Variants in COL5A3 observed in about 807,000 individuals in gnomAD.
The protein encoded by COL5A3 is collagen alpha-3(V) chain.
COL5A3 carries 172 observed loss-of-function variants against 250.0 expected under a neutral mutation model. That is an observed-to-expected ratio of 0.69 (90% CI 0.61 to 0.78). The LOEUF (loss-of-function observed/expected upper bound fraction) is 0.78, where lower values mean the gene tolerates loss of function less well. Ranked by LOEUF, COL5A3 falls within the 30% of genes least tolerant of loss-of-function variation. COL5A3 has a pLI of 0.00. For missense variants in COL5A3, 2,340 were observed against 2,334.4 expected (o/e 1.00, Z -0.05); for synonymous variants, 937 against 900.4 (o/e 1.04, Z -0.73).
chr19:9,977,039 T>C (rs2086931736), intron 44 of COL5A3, among the ~76,000 whole-genome samples, 190 bp downstream of exon 44: 1 of 152,112 alleles, frequency 6.6e-6, no homozygotes, highest in African/African-American at 2.4e-5. Flanking sequence ...CTGTCTGCAG[T>C]TGGGTTCTGT....
Position 9,968,365 on chromosome 19 carries a change from G to A in COL5A3, c.4314+20C>T, listed in dbSNP as rs181471625. On this transcript the variant is annotated intron_variant, in intron 59 of 66. Coordinates refer to ENST00000264828, the MANE Select transcript of COL5A3 (RefSeq NM_015719.4). This position sits in a 1 kb window ranked among gnomAD's most constrained non-coding sequence, Gnocchi z 4.1. ...CCCCTCCTTCAAATGCATTCTTCCCGCTCAGGTCAGGACACTCACAGGGTC... is the reference window on the plus strand; with the variant it reads ...CCCCTCCTTCAAATGCATTCTTCCCACTCAGGTCAGGACACTCACAGGGTC... The A allele has an allele frequency of 1.6e-5, 24 of 1,501,470 alleles. No homozygotes were observed. Among genetic ancestry groups the A allele is most frequent in the East Asian group, 1.4e-4 (6 of 43,872 alleles). The allele number at this position is 1,501,470 out of a possible 1,614,324, so 93.0% of individuals were successfully genotyped here.
At chr19:9,993,121 A>G (rs898100216) in intron 19 of COL5A3, 54 bp from the exon 20 acceptor site, 4 of 1,579,064 alleles carry the variant, frequency 2.5e-6, no homozygotes, top group Middle Eastern at 1.7e-4. Context: ...TCGGAGAGCC[A>G]CCTCCCCTCA....
chr19:10,007,514 C>T (rs2087460278), intron 1 of COL5A3, among the ~76,000 whole-genome samples: 1 of 152,240 alleles, frequency 6.6e-6, no homozygotes, highest in African/African-American at 2.4e-5. Flanking sequence ...ATGGCTTGGG[C>T]AGGGGCGGGT....
chr19:9,972,869 C>A (rs758482086), intron 51 of COL5A3, 50 bp downstream of exon 51: 6 of 1,372,374 alleles, frequency 4.4e-6, no homozygotes, highest in Non-Finnish European at 4.9e-6. Context: ...GCTTCAAGTA[C>A]ATTCAAGTGC....
At chr19:9,980,106 GC>G in intron 35 of COL5A3, 59 bp from the exon 36 acceptor site, 1 of 1,479,076 alleles carries the variant, frequency 6.8e-7, no homozygotes, top group Non-Finnish European at 9.1e-7. Context: ...CACTCCCTGA[GC>G]CCCACATAAT....
chr19:10,002,914 G>C (rs139011432), intron 6 of COL5A3, among the ~76,000 whole-genome samples: 21 of 152,046 alleles, frequency 1.4e-4, no homozygotes, highest in African/African-American at 5.1e-4. Flanking sequence ...CTTCCAGTCA[G>C]TGACCACCCA....
intron 27 of COL5A3, 76 bp downstream of exon 27, chr19:9,989,048 A>C: frequency 6.8e-7 from 1 of 1,477,140 alleles, no homozygotes; most frequent in Non-Finnish European, 9.5e-7. Context: ...CACATCCAGA[A>C]GTTTCTGATG....
intron 54 of COL5A3, among the ~76,000 whole-genome samples, chr19:9,970,343 TGTGTTCTGTGGCTGA>T (rs2086820313): frequency 2.8e-5 from 1 of 35,348 alleles, no homozygotes; most frequent in Admixed American, 3.4e-4. Flanking sequence ...TGTGGGTGAG[TGTGTTCTGTGGCTGA>T]GTGGGGTCTG....
chr19:9,966,418 A>C lies in COL5A3; in HGVS notation c.4678T>G (p.Trp1560Gly). Residue 1560 changes from tryptophan (W) to glycine (G), a missense_variant, in exon 64 of 67, where the codon TGG (tryptophan) becomes GGG (glycine). This residue lies in a region of COL5A3 where 1,179 missense variants were observed against 1,162.6 expected (regional missense o/e 1.01). Transcript: ENST00000264828. ...NHPHLPDGEYWIDPNQGCARD... is the reference protein window; with the variant it reads ...NHPHLPDGEYGIDPNQGCARD... ...GCGCAGCCCTGGTTGGGGTCAATCC[A>C]GTATTCCCCTGCCGCAGAGCCAGGC... 1.3e-6 allele frequency: 2 copies of C among 1,598,218 alleles called. No individual in the cohort carries two copies. Among genetic ancestry groups the C allele is most frequent in the Non-Finnish European group, 1.7e-6 (2 of 1,169,806 alleles).
chr19:10,004,359 G>A (rs1599230600), intron 4 of COL5A3, among the ~76,000 whole-genome samples: 4 of 152,080 alleles, frequency 2.6e-5, no homozygotes, highest in African/African-American at 9.7e-5. Flanking sequence ...ATCCTATCAG[G>A]GGCACACCCG....
chr19:9,969,631 T>C lies in COL5A3; in HGVS notation c.4042A>G (p.Arg1348Gly). 2.5e-6 allele frequency: 4 copies of C among 1,595,056 alleles called. No homozygotes were observed. The highest frequency in any genetic ancestry group is 3.4e-6 in the Non-Finnish European group (4 of 1,175,322). The change falls in exon 56 of 67, where the codon AGA becomes GGA. Residue 1348 changes from arginine (R) to glycine (G), a missense_variant. Physicochemically the swap from Arg to Gly is moderately radical, Grantham distance 125 (BLOSUM62 -2). This residue lies in a region of COL5A3 where 1,179 missense variants were observed against 1,162.6 expected (regional missense o/e 1.01). Transcript: ENST00000264828. ...GGCCCCACACGTCCAGGGGGCCCTC[T>C]AGCCCCCATTGGACCCGTCCTCCCT... The part of the protein sequence containing the change: ...PPGRTGPMGA[R>G]GPPGRVGPEG...
At position 9,974,240 on chromosome 19, in the gene COL5A3, G is replaced by A. The variant is rs1388640173; in HGVS notation, c.3451-16C>T. 1.9e-6 allele frequency: 3 copies of A among 1,613,668 alleles called. No individual in the cohort carries two copies. The Admixed American group carries it at 5.0e-5, about 27-fold the overall frequency. On this transcript the variant is annotated splice_polypyrimidine_tract_variant and intron_variant, in intron 46 of 66. Coordinates refer to ENST00000264828, the MANE Select transcript of COL5A3 (RefSeq NM_015719.4). ...CTGGCAGCCCCTGTGGAACAAAGAA[G>A]CAAGATTGGGGCACCAGGTAGGGAG...
At chr19:9,969,730 C>A (rs768223543) in intron 55 of COL5A3, 48 bp from the exon 56 acceptor site, 1 of 1,576,798 alleles carries the variant, frequency 6.3e-7, no homozygotes, top group Non-Finnish European at 8.6e-7. Context: ...AGGGTTCCTG[C>A]CTCCTGACCC....
chr19:9,986,371 T>C lies in COL5A3; in HGVS notation c.2296A>G (p.Lys766Glu). Residue 766 changes from lysine (K) to glutamate (E), a missense_variant, in exon 30 of 67, where the codon AAG (lysine) becomes GAG (glutamate). Around this residue, in one of 3 missense-constraint regions of COL5A3, gnomAD observed 1,152 missense variants for 1,146.3 expected, o/e 1.00. Transcript: ENST00000264828. ...TCGCCAGCCTGCCCCGCCTGCCCCT[T>C]CGGCCCCTCAGGACCATCCTCTCCC... ...PRGEDGPEGP[K>E]GQAGQAGEEG... is the part of the protein sequence containing the mutation. 1 of 1,606,820 alleles carries C rather than the reference T, an allele frequency of 6.2e-7. No homozygotes were observed. The highest frequency in any genetic ancestry group is 8.5e-7 in the Non-Finnish European group (1 of 1,178,892).
At chr19:9,995,485 C>A in intron 16 of COL5A3, 79 bp downstream of exon 16, 1 of 1,329,530 alleles carries the variant, frequency 7.5e-7, no homozygotes, top group Non-Finnish European at 1.0e-6. Flanking sequence ...CCAGCAGACC[C>A]CAAGGTCACA....
chr19:9,960,235 G>T lies in COL5A3; in HGVS notation c.*176C>A. Reference sequence around the variant, plus strand: ...GAGGAGGCTGGACCCTTGGGCCAGGGAACCCCAGCCCCCAGCACCCTGGAA... The same window carrying T: ...GAGGAGGCTGGACCCTTGGGCCAGGTAACCCCAGCCCCCAGCACCCTGGAA... On this transcript the variant is annotated 3_prime_UTR_variant, in exon 67 of 67. Coordinates refer to ENST00000264828, the MANE Select transcript of COL5A3 (RefSeq NM_015719.4). 1 of 771,622 alleles carries T rather than the reference G, an allele frequency of 1.3e-6. No individual in the cohort carries two copies. The highest frequency in any genetic ancestry group is 2.0e-6 in the Non-Finnish European group (1 of 491,040). The allele number at this position is 771,622 out of a possible 1,614,324, so 47.8% of individuals were successfully genotyped here.
intron 65 of COL5A3, 56 bp downstream of exon 65, chr19:9,962,763 C>A (rs1050339084): frequency 7.1e-6 from 10 of 1,412,140 alleles, no homozygotes; most frequent in Non-Finnish European, 8.9e-6. Context: ...CTCAAACCCC[C>A]CTGCTGGTTC....
At chr19:10,003,795 C>T in intron 5 of COL5A3, 81 bp from the exon 6 acceptor site, 2 of 1,569,286 alleles carry the variant, frequency 1.3e-6, no homozygotes, top group Non-Finnish European at 1.7e-6. Context: ...GTGAGGCTGG[C>T]TCATGGCCCG....
chr19:9,993,137 G>A (rs1393877734), intron 19 of COL5A3, 70 bp from the exon 20 acceptor site: 22 of 1,520,428 alleles, frequency 1.4e-5, no homozygotes, highest in Non-Finnish European at 2.0e-5. Context: ...CCTCATCTGG[G>A]CAGCCCCTTC....
Sources: gnomAD v4.1 joint callset for allele counts (sites outside exome capture counted in the v4.1 genomes callset) on GRCh38, gnomAD v4.1.1 for gene constraint, gnomAD v4.1.1 regional missense constraint, Gnocchi (gnomAD v3.1) non-coding constraint, MANE v1.5 for transcripts, NCBI Gene and HGNC (gene_info 2026-07-23, HGNC 2026-07-21) for gene names.